The following GUCY1B1 variants were observed in gnomAD, a reference collection of about 807,000 sequenced individuals.
The protein encoded by GUCY1B1 is guanylate cyclase soluble subunit beta-1.
A neutral mutation model predicts 71.0 loss-of-function variants in GUCY1B1; 43 were observed. The ratio of observed to expected loss-of-function variants is 0.61; its 90% CI spans 0.47 to 0.78. GUCY1B1 has a LOEUF of 0.78. Among genes scored for constraint, GUCY1B1 ranks in the 30% least tolerant of loss-of-function variants. The pLI is 0.00. For synonymous variants in GUCY1B1, 266 were observed against 259.7 expected (o/e 1.02, Z -0.23); for missense variants, 535 against 754.1 (o/e 0.71, Z 3.40).
rs369654148 is a variant in GUCY1B1, at chr4:155,759,804, C to T, written c.21C>T (p.His7=). 1.1e-4 allele frequency: 177 copies of T among 1,612,610 alleles called. No homozygotes were observed. The highest frequency in any genetic ancestry group is 1.5e-4 in the Non-Finnish European group (173 of 1,179,034). Residue 7 remains histidine (H), a synonymous_variant, in exon 2 of 14, where the codon CAC becomes CAT. Transcript: ENST00000264424. MYGFVN[H]ALELLVIRNY... is the part of the protein sequence containing the mutation. ...CCCCGCAGTACGGATTTGTGAATCA[C>T]GCCCTGGAGTTGCTGGTGATCCGCA... is the stretch of plus-strand genomic sequence containing the variant.
At chr4:155,793,335 C>T (rs1216136468) in intron 5 of GUCY1B1, among the ~76,000 whole-genome samples, 1 of 152,174 alleles carries the variant, frequency 6.6e-6, no homozygotes, top group African/African-American at 2.4e-5. Flanking sequence ...CCCCACCCTC[C>T]CAAAGTGCTA....
chr4:155,805,376 A>G, intron 13 of GUCY1B1, 147 bp downstream of exon 13: 1 of 680,032 alleles, frequency 1.5e-6, no homozygotes, highest in Non-Finnish European at 2.4e-6. Flanking sequence ...AAATAATTGA[A>G]CATTAATGAG....
chr4:155,774,803 T>G (rs939650571), intron 2 of GUCY1B1, among the ~76,000 whole-genome samples, 165 bp from the exon 3 acceptor site: 2 of 152,224 alleles, frequency 1.3e-5, no homozygotes, highest in African/African-American at 4.8e-5. Flanking sequence ...ATTTCTGCTC[T>G]CTCACTAGAA....
chr4:155,770,820 T>G (rs1258714951), intron 2 of GUCY1B1, among the ~76,000 whole-genome samples: 1 of 152,174 alleles, frequency 6.6e-6, no homozygotes, highest in Non-Finnish European at 1.5e-5. Context: ...TATATTATCC[T>G]CATATGTATA....
intron 2 of GUCY1B1, among the ~76,000 whole-genome samples, chr4:155,774,653 C>T (rs1035765589): frequency 6.6e-6 from 1 of 152,146 alleles, no homozygotes; most frequent in African/African-American, 2.4e-5. Flanking sequence ...ACTTGCTAAA[C>T]ATCTATTAAC....
At chr4:155,789,578 A>G (rs1350125707) in intron 4 of GUCY1B1, 136 bp from the exon 5 acceptor site, 1 of 526,658 alleles carries the variant, frequency 1.9e-6, no homozygotes, top group East Asian at 2.9e-5. Flanking sequence ...AGTGGAGTGA[A>G]GGATGTGCTA....
chr4:155,774,017 C>G (rs1737868934), intron 2 of GUCY1B1, among the ~76,000 whole-genome samples: 1 of 152,148 alleles, frequency 6.6e-6, no homozygotes, highest in East Asian at 1.9e-4. Flanking sequence ...ATGTTGGCAG[C>G]AGCCTCCTAA....
chr4:155,803,009 G>C (rs1740065867), intron 10 of GUCY1B1, among the ~76,000 whole-genome samples: 4 of 152,144 alleles, frequency 2.6e-5, no homozygotes, highest in Admixed American at 2.6e-4. Flanking sequence ...ACATCAACTT[G>C]AAGAAGATAA....
rs769595692 is a variant in GUCY1B1, at chr4:155,759,129, G to A, written c.-12G>A. On this transcript the variant is annotated 5_prime_UTR_variant, in exon 1 of 14. Transcript: ENST00000264424. ...CGTGGGGGCTGCCTCCCCGGCTCCCGGTGCAGACACCATGGTAAGTGCTCT... is the reference window on the plus strand; with the variant it reads ...CGTGGGGGCTGCCTCCCCGGCTCCCAGTGCAGACACCATGGTAAGTGCTCT... 4.4e-5 allele frequency: 70 copies of A among 1,592,176 alleles called. No homozygotes were observed. Among genetic ancestry groups the A allele is most frequent in the Non-Finnish European group, 5.7e-5 (67 of 1,170,330 alleles).
intron 7 of GUCY1B1, among the ~76,000 whole-genome samples, chr4:155,795,892 A>T (rs968851666): frequency 6.6e-6 from 1 of 152,142 alleles, no homozygotes; most frequent in African/African-American, 2.4e-5. Context: ...CACACAGTTG[A>T]TAATTTAGAT....
chr4:155,800,809 T>C (rs1739894123), intron 9 of GUCY1B1, among the ~76,000 whole-genome samples: 1 of 152,218 alleles, frequency 6.6e-6, no homozygotes, highest in Non-Finnish European at 1.5e-5. Context: ...CAGGTTCTTA[T>C]GTGTTCGTTT....
intron 6 of GUCY1B1, 101 bp downstream of exon 6, chr4:155,794,187 T>A (rs192804014): frequency 1.5e-6 from 1 of 649,616 alleles, no homozygotes; most frequent in African/African-American, 1.8e-5. Flanking sequence ...GACTATGTAT[T>A]AGGTAATATG....
In GUCY1B1 at chr4:155,799,926, A is replaced by T; in HGVS notation, c.1027A>T (p.Ile343Phe). 1 of 1,613,368 alleles carries T rather than the reference A, an allele frequency of 6.2e-7. No homozygotes were observed. ...AAGGAGAGGGCTGTATCTAAGTGAC[A>T]TCCCTCTGCATGATGCCACGCGCGA... is the stretch of plus-strand genomic sequence containing the variant. ...LTRRGLYLSDIPLHDATRDLV... is the reference protein window; with the variant it reads ...LTRRGLYLSDFPLHDATRDLV... The change falls in exon 9 of 14, where the codon ATC (isoleucine) becomes TTC (phenylalanine). Residue 343 changes from isoleucine to phenylalanine, a missense_variant. Physicochemically the swap from Ile to Phe is conservative, Grantham distance 21. Coordinates refer to ENST00000264424, the MANE Select transcript of GUCY1B1 (RefSeq NM_000857.5).
chr4:155,806,375 G>T lies in GUCY1B1; in HGVS notation c.1837-11G>T. 1.3e-6 allele frequency: 2 copies of T among 1,581,696 alleles called. No homozygotes were observed. The highest frequency in any genetic ancestry group is 1.7e-6 in the Non-Finnish European group (2 of 1,151,326). ...TGTAAATCAATCCCTCTTTTCTTCT[G>T]CCTATTTAAGGAAACAAAGCAGGAT... On this transcript the variant is annotated splice_polypyrimidine_tract_variant and intron_variant, in intron 13 of 13. Transcript: ENST00000264424.
At chr4:155,774,839 C>A in intron 2 of GUCY1B1, 129 bp from the exon 3 acceptor site, 1 of 642,218 alleles carries the variant, frequency 1.6e-6, no homozygotes, top group Non-Finnish European at 2.8e-6. Flanking sequence ...GATGTTTAAA[C>A]AAATTTGCCC....
Position 155,796,437 on chromosome 4 carries a change from A to G in GUCY1B1, c.904A>G (p.Ser302Gly), listed in dbSNP as rs1198696238. ...CEDELTGTEI[S>G]CLRLKGQMIY... ...GGATGAACTGACTGGGACTGAGATC[A>G]GCTGCTTACGTCTCAAGGGTCAAAT... Residue 302 changes from serine to glycine, a missense_variant, in exon 8 of 14, where the codon AGC becomes GGC. Transcript: ENST00000264424. 1 of 1,612,018 alleles carries G rather than the reference A, an allele frequency of 6.2e-7. No individual in the cohort carries two copies. Among genetic ancestry groups the G allele is most frequent in the Admixed American group, 1.7e-5 (1 of 59,996 alleles).
chr4:155,798,503 G>A lies in GUCY1B1; in HGVS notation c.978-1374G>A, dbSNP rs145430849. 3.1e-3 allele frequency among the ~76,000 whole-genome samples: 464 copies of A among 152,102 alleles called. 1 individual carries two copies. Among genetic ancestry groups the A allele is most frequent in the Non-Finnish European group, 5.3e-3 (360 of 67,984 alleles). On this transcript the variant is annotated intron_variant, in intron 8 of 13. Transcript: ENST00000264424. ...AGTGGATTTACATATCCATTTTAACGAAATTAAAAGACACCGTGTATTTCA... is the reference window on the plus strand; with the variant it reads ...AGTGGATTTACATATCCATTTTAACAAAATTAAAAGACACCGTGTATTTCA...
chr4:155,803,193 G>A (rs1740078767), intron 10 of GUCY1B1, among the ~76,000 whole-genome samples: 1 of 152,152 alleles, frequency 6.6e-6, no homozygotes, highest in Non-Finnish European at 1.5e-5. Flanking sequence ...ATTTTCTGAG[G>A]TACACTCTAG....
intron 2 of GUCY1B1, among the ~76,000 whole-genome samples, chr4:155,760,091 G>A (rs1336476171): frequency 6.6e-6 from 1 of 152,130 alleles, no homozygotes; most frequent in African/African-American, 2.4e-5. Context: ...GCGGAAAGGA[G>A]CCCCTAGGGG....
Sources: gnomAD v4.1 joint callset for allele counts (sites outside exome capture counted in the v4.1 genomes callset) on GRCh38, gnomAD v4.1.1 for gene constraint, MANE v1.5 for transcripts, NCBI Gene and HGNC (gene_info 2026-07-23, HGNC 2026-07-21) for gene names.